DLGAP2: variants seen among roughly 807,000 people sequenced by gnomAD.
The protein encoded by DLGAP2 is disks large-associated protein 2.
Under a neutral mutation model 100.3 loss-of-function variants are expected in DLGAP2, and 26 were observed. The ratio of observed to expected loss-of-function variants is 0.26; its 90% CI spans 0.19 to 0.36. DLGAP2 has a LOEUF of 0.36. DLGAP2 is among the 10% of genes least tolerant of loss of function. DLGAP2 has a pLI of 1.00. For synonymous variants in DLGAP2, 886 were observed against 630.1 expected, an observed-to-expected ratio of 1.41 and a Z score of -6.08; for missense variants, 1,858 against 1,453.2, an observed-to-expected ratio of 1.28 and a Z score of -4.53.
At chr8:1,417,210 A>AGGCG (rs1563133802) in intron 3 of DLGAP2, among the ~76,000 whole-genome samples, 1 of 77,004 alleles carries the variant, frequency 1.3e-5, no homozygotes, top group African/African-American at 7.2e-5. Flanking sequence ...ACTCTGAGTG[A>AGGCG]GGGGAGACCA....
intron 1 of DLGAP2, among the ~76,000 whole-genome samples, chr8:786,994 A>G (rs1322409620): frequency 1.3e-5 from 2 of 152,206 alleles, no homozygotes; most frequent in Non-Finnish European, 1.5e-5. Flanking sequence ...GATTCTAACC[A>G]GGAACAAGAC....
rs567834929 is a variant in DLGAP2 at position 1,297,581 on chromosome 8, G to A, written c.106+38698G>A. On this transcript the variant is annotated intron_variant, in intron 3 of 14. Transcript: ENST00000637795. Reference sequence around the variant, plus strand: ...GAACAGACACCACGTGAGACAGGGAGGAGAAACGTGGCAGGCATGAACAGA... The same window carrying A: ...GAACAGACACCACGTGAGACAGGGAAGAGAAACGTGGCAGGCATGAACAGA... 2.7e-3 allele frequency among the ~76,000 whole-genome samples: 268 copies of A among 99,568 alleles called. 1 individual carries two copies. Among genetic ancestry groups the A allele is most frequent in the African/African-American group, 0.011 (255 of 23,438 alleles). 65.3% of individuals were successfully genotyped at this position (99,568 alleles called of 152,430 possible). A position where few individuals can be genotyped will look rare whatever the true frequency, so the allele number is the denominator to read the frequency against.
rs1033310991 is a variant in DLGAP2, at chr8:946,478, T to C, written c.73+38512T>C. ...CGGGGTTTCACCATATTAGCCAGGA[T>C]GGTCTCGATCTCCTGACCTTGTGAT... is the stretch of plus-strand genomic sequence containing the variant. On this transcript the variant is annotated intron_variant, in intron 2 of 14. Coordinates refer to ENST00000637795, the MANE Select transcript of DLGAP2 (RefSeq NM_001346810.2). Among the ~76,000 whole-genome samples the C allele has an allele frequency of 5.9e-5, 9 of 152,106 alleles. No homozygotes were observed. The East Asian group carries it at 1.2e-3, about 20-fold the overall frequency.
At chr8:989,080 C>T (rs1205736887) in intron 2 of DLGAP2, among the ~76,000 whole-genome samples, 1 of 152,180 alleles carries the variant, frequency 6.6e-6, no homozygotes, top group Non-Finnish European at 1.5e-5. Flanking sequence ...AGCACAGATC[C>T]CGTCTAGTCA....
intron 1 of DLGAP2, among the ~76,000 whole-genome samples, chr8:845,511 A>G (rs1213270363): frequency 1.3e-5 from 2 of 152,132 alleles, no homozygotes; most frequent in African/African-American, 4.8e-5. Context: ...AAACTAGGTT[A>G]TTTGTCTATT....
At chr8:1,373,759 T>G (rs1219427719) in intron 3 of DLGAP2, 4 of 152,232 alleles carry the variant, frequency 2.6e-5, no homozygotes, top group Non-Finnish European at 5.9e-5. Context: ...TTCCCGTGTC[T>G]TCTTCTCACA....
intron 3 of DLGAP2, among the ~76,000 whole-genome samples, chr8:1,497,068 C>G (rs980418464): frequency 6.6e-6 from 1 of 152,150 alleles, no homozygotes; most frequent in Non-Finnish European, 1.5e-5. Context: ...AAGGTGACTC[C>G]TAAAGTACGT....
chr8:934,416 A>G (rs1263967768), intron 2 of DLGAP2, among the ~76,000 whole-genome samples: 1 of 152,160 alleles, frequency 6.6e-6, no homozygotes, highest in African/African-American at 2.4e-5. Flanking sequence ...CATCCCACTT[A>G]GTGGGAACGG....
In DLGAP2 at chr8:1,037,137, C is replaced by G. The variant is rs115025832; in HGVS notation, c.73+129171C>G. ...CATGGTCACGTAGAGAGAGAGGAAT[C>G]CGAGGTGGATTCAGTCCTTCCTGCC... On this transcript the variant is annotated intron_variant, in intron 2 of 14. Coordinates refer to ENST00000637795, the MANE Select transcript of DLGAP2 (RefSeq NM_001346810.2). Among the ~76,000 whole-genome samples, 133 of 152,218 alleles carry G rather than the reference C, an allele frequency of 8.7e-4. 1 individual carries two copies. Among genetic ancestry groups the G allele is most frequent in the African/African-American group, 3.1e-3 (128 of 41,520 alleles).
intron 2 of DLGAP2, among the ~76,000 whole-genome samples, chr8:1,250,747 T>G (rs1171952244): frequency 6.6e-6 from 1 of 152,050 alleles, no homozygotes; most frequent in African/African-American, 2.4e-5. Flanking sequence ...GAATGAGACT[T>G]GAGTTTGAAT....
chr8:1,105,638 A>AGG (rs1804732817), intron 2 of DLGAP2, among the ~76,000 whole-genome samples: 1 of 133,098 alleles, frequency 7.5e-6, no homozygotes, highest in Non-Finnish European at 1.6e-5. Context: ...TTTTTACTGA[A>AGG]GGGAGCCATT....
chr8:1,173,027 CT>C (rs1379696241), intron 2 of DLGAP2, among the ~76,000 whole-genome samples: 1 of 152,162 alleles, frequency 6.6e-6, no homozygotes, highest in African/African-American at 2.4e-5. Flanking sequence ...TACTTTTGGT[CT>C]TTGATGATGG....
At chr8:1,365,211 A>C (rs1802082164) in intron 3 of DLGAP2, among the ~76,000 whole-genome samples, 1 of 152,154 alleles carries the variant, frequency 6.6e-6, no homozygotes, top group South Asian at 2.1e-4. Context: ...TACCCGGTCC[A>C]CACCTGCACC....
At chr8:1,640,994 C>G (rs1250949080) in intron 8 of DLGAP2, among the ~76,000 whole-genome samples, 1 of 152,148 alleles carries the variant, frequency 6.6e-6, no homozygotes, top group Non-Finnish European at 1.5e-5. Context: ...AGAGCACAGT[C>G]TCTGCGGAGA....
At chr8:1,076,189 C>A (rs775676851) in intron 2 of DLGAP2, among the ~76,000 whole-genome samples, 5 of 152,210 alleles carry the variant, frequency 3.3e-5, no homozygotes, top group Non-Finnish European at 7.3e-5. Flanking sequence ...GTGAACCTGA[C>A]GTTCTCCGCC....
At chr8:1,360,643 C>A (rs1177175112) in intron 3 of DLGAP2, among the ~76,000 whole-genome samples, 1 of 152,212 alleles carries the variant, frequency 6.6e-6, no homozygotes, top group Non-Finnish European at 1.5e-5. Flanking sequence ...GCACACCCCC[C>A]ACATCCTGAA....
In DLGAP2 at chr8:831,406, T is replaced by C. The variant is rs371512938; in HGVS notation, c.19-76506T>C. Among the ~76,000 whole-genome samples the C allele has an allele frequency of 7.3e-4, 111 of 152,152 alleles. 1 individual carries two copies. In the South Asian group the frequency reaches 0.015, roughly 21 times the overall value. ...ACAGGCCCCAGTGTGTGATGTTCCC[T>C]GCCCTGTGTCCAGGTGTTCTCATTG... On this transcript the variant is annotated intron_variant, in intron 1 of 14. Transcript: ENST00000637795.
At chr8:1,488,754 C>G (rs1288748666) in intron 3 of DLGAP2, among the ~76,000 whole-genome samples, 2 of 152,178 alleles carry the variant, frequency 1.3e-5, no homozygotes, top group Admixed American at 1.3e-4. Context: ...GACGTTTTAT[C>G]TTCTGCATTC....
intron 1 of DLGAP2, among the ~76,000 whole-genome samples, chr8:791,264 A>C (rs1822019353): frequency 6.6e-6 from 1 of 152,204 alleles, no homozygotes; most frequent in South Asian, 2.1e-4. Context: ...TGAGTGAATG[A>C]ACCTCACTTC....
Sources: gnomAD v4.1 joint callset for allele counts (sites outside exome capture counted in the v4.1 genomes callset) on GRCh38, gnomAD v4.1.1 for gene constraint, MANE v1.5 for transcripts, NCBI Gene and HGNC (gene_info 2026-07-23, HGNC 2026-07-21) for gene names.